SKIC2: variants seen among roughly 807,000 people sequenced by gnomAD.
SKIC2 encodes superkiller complex protein 2.
At chr6:31,960,184 G>T in the SKIC2 span, 1 of 1,609,274 alleles carries the variant, frequency 6.2e-7, no homozygotes, top group Non-Finnish European at 8.5e-7. Flanking sequence ...GACAGAGGAA[G>T]AAAGAAGACC....
At chr6:31,967,854 T>C in the SKIC2 span, 12 of 1,612,990 alleles carry the variant, frequency 7.4e-6, no homozygotes, top group African/African-American at 1.5e-4. This position sits in a 1 kb window ranked among gnomAD's most constrained non-coding sequence, Gnocchi z 4.9. Context: ...AAGCTGTTCC[T>C]GCCTGAAGGT....
the SKIC2 span, chr6:31,963,637 G>C: frequency 6.5e-7 from 1 of 1,544,194 alleles, no homozygotes; most frequent in Non-Finnish European, 8.7e-7. The surrounding 1 kb of genome is among the most constrained non-coding windows in gnomAD (Gnocchi z 5.3). Context: ...TGTGCCCCAG[G>C]TACTATGCAG....
At chr6:31,961,904 C>T in the SKIC2 span, 1 of 1,613,036 alleles carries the variant, frequency 6.2e-7, no homozygotes, top group South Asian at 1.1e-5. Flanking sequence ...TTCTCTCTCC[C>T]ATAGTGGGCA....
chr6:31,967,164 G>A, the SKIC2 span: 44 of 1,607,204 alleles, frequency 2.7e-5, no homozygotes, highest in Middle Eastern at 1.8e-3. The surrounding 1 kb of genome is among the most constrained non-coding windows in gnomAD (Gnocchi z 4.9). Context: ...GAGTGCTGAG[G>A]AGGTGATAGG....
the SKIC2 span, chr6:31,963,158 C>CT: frequency 8.8e-7 from 1 of 1,137,050 alleles, no homozygotes; most frequent in South Asian, 1.3e-5. This position sits in a 1 kb window ranked among gnomAD's most constrained non-coding sequence, Gnocchi z 5.3. Context: ...GGGTGGGGGA[C>CT]TAAGTCTACC....
chr6:31,960,169 G>A, the SKIC2 span: 280 of 1,607,728 alleles, frequency 1.7e-4, no homozygotes, highest in Non-Finnish European at 2.1e-4. Context: ...CCTGAAGGAA[G>A]CTGGGACAGA....
At chr6:31,961,896 C>T in the SKIC2 span, 1 of 1,612,708 alleles carries the variant, frequency 6.2e-7, no homozygotes, top group Non-Finnish European at 8.5e-7. Context: ...CTGTCTATTT[C>T]TCTCTCCCAT....
chr6:31,969,578 C>G, the SKIC2 span: 4 of 1,613,816 alleles, frequency 2.5e-6, no homozygotes, highest in Non-Finnish European at 3.4e-6. The surrounding 1 kb of genome is among the most constrained non-coding windows in gnomAD (Gnocchi z 6.1). Context: ...CTGCATTCAG[C>G]GCCTGGCTGA....
chr6:31,968,119 G>GGCAC, the SKIC2 span: 2 of 1,611,068 alleles, frequency 1.2e-6, no homozygotes, highest in Non-Finnish European at 1.7e-6. This position sits in a 1 kb window ranked among gnomAD's most constrained non-coding sequence, Gnocchi z 6.1. Context: ...CCTCCAGAGG[G>GGCAC]GCACGTAGAG....
At chr6:31,965,293 G>C in the SKIC2 span, among the ~76,000 whole-genome samples, 2 of 152,202 alleles carry the variant, frequency 1.3e-5, no homozygotes, top group African/African-American at 4.8e-5. This position sits in a 1 kb window ranked among gnomAD's most constrained non-coding sequence, Gnocchi z 5.6. Context: ...TTCACTGGGA[G>C]AGAGGGAAGG....
At chr6:31,966,629 G>A in the SKIC2 span, 1 of 1,484,226 alleles carries the variant, frequency 6.7e-7, no homozygotes, top group Non-Finnish European at 9.3e-7. This position sits in a 1 kb window ranked among gnomAD's most constrained non-coding sequence, Gnocchi z 5.9. Context: ...GATCTGACGG[G>A]AGTAGGCCCA....
At chr6:31,965,845 T>C in the SKIC2 span, 33 of 1,613,108 alleles carry the variant, frequency 2.0e-5, no homozygotes, top group Non-Finnish European at 2.7e-5. The surrounding 1 kb of genome is among the most constrained non-coding windows in gnomAD (Gnocchi z 5.6). Context: ...CAGTAGTGTT[T>C]GACTCCATGC....
chr6:31,969,508 C>T, the SKIC2 span: 1 of 1,613,048 alleles, frequency 6.2e-7, no homozygotes, highest in South Asian at 1.1e-5. The surrounding 1 kb of genome is among the most constrained non-coding windows in gnomAD (Gnocchi z 6.1). Context: ...CCCTACTTTC[C>T]CCACAGCCCT....
the SKIC2 span, chr6:31,961,816 G>A: frequency 6.4e-6 from 10 of 1,563,608 alleles, no homozygotes; most frequent in South Asian, 4.5e-5. Context: ...GGCTGGCTCC[G>A]GCCTTCATCC....
the SKIC2 span, chr6:31,967,958 C>A: frequency 6.2e-7 from 1 of 1,613,090 alleles, no homozygotes; most frequent in Non-Finnish European, 8.5e-7. The surrounding 1 kb of genome is among the most constrained non-coding windows in gnomAD (Gnocchi z 4.9). Context: ...TTTCACAGGG[C>A]CTTGTGACCA....
the SKIC2 span, chr6:31,962,160 G>C: frequency 8.2e-7 from 1 of 1,216,222 alleles, no homozygotes; most frequent in African/African-American, 1.5e-5. The surrounding 1 kb of genome is among the most constrained non-coding windows in gnomAD (Gnocchi z 5.0). Flanking sequence ...CATCCTTTAA[G>C]TGAGAGGTTC....
At chr6:31,967,988 C>G in the SKIC2 span, 54 of 1,612,950 alleles carry the variant, frequency 3.3e-5, no homozygotes, top group Non-Finnish European at 4.4e-5. The surrounding 1 kb of genome is among the most constrained non-coding windows in gnomAD (Gnocchi z 4.9). Flanking sequence ...CAAGCTCCAG[C>G]CAGGAGATAT....
chr6:31,960,054 A>G, the SKIC2 span: 42 of 1,612,954 alleles, frequency 2.6e-5, 1 homozygote, highest in Admixed American at 3.8e-4. Context: ...TGCAGCAAGA[A>G]GCAGAACAGT....
At chr6:31,968,803 G>A in the SKIC2 span, 2 of 1,610,956 alleles carry the variant, frequency 1.2e-6, no homozygotes, top group Non-Finnish European at 1.7e-6. This position sits in a 1 kb window ranked among gnomAD's most constrained non-coding sequence, Gnocchi z 6.1. Context: ...AGAGGTGGGT[G>A]GGGCAGTGGT....
Sources: gnomAD v4.1 joint callset for allele counts (sites outside exome capture counted in the v4.1 genomes callset) on GRCh38, gnomAD v4.1.1 for gene constraint, Gnocchi (gnomAD v3.1) non-coding constraint, MANE v1.5 for transcripts, NCBI Gene and HGNC (gene_info 2026-07-23, HGNC 2026-07-21) for gene names.